The following WDR64 variants were observed in gnomAD, a reference collection of about 807,000 sequenced individuals.
The protein encoded by WDR64 is WD repeat-containing protein 64.
Under a neutral mutation model 139.3 loss-of-function variants are expected in WDR64, and 112 were observed. The observed-to-expected ratio is 0.80, with a 90% CI of 0.69 to 0.94. The LOEUF is 0.94. WDR64 is among the 40% of genes least tolerant of loss of function. The pLI, the probability that WDR64 is intolerant of heterozygous loss-of-function variation, is 0.00. For missense variants in WDR64, 1,206 were observed against 1,293.1 expected (o/e 0.93, Z 1.03); for synonymous variants, 444 against 437.7 (o/e 1.01, Z -0.18).
intron 8 of WDR64, among the ~76,000 whole-genome samples, chr1:241,707,893 T>C (rs1475846616): frequency 6.6e-6 from 1 of 152,214 alleles, no homozygotes; most frequent in Non-Finnish European, 1.5e-5. Context: ...GTCATATATT[T>C]AGCAACAGAA....
intron 3 of WDR64, among the ~76,000 whole-genome samples, chr1:241,672,876 GAC>G (rs1438979767): frequency 2.0e-5 from 3 of 152,282 alleles, no homozygotes; most frequent in East Asian, 3.9e-4. Flanking sequence ...TGGGAGTGGG[GAC>G]AGGTGTACTG....
intron 13 of WDR64, among the ~76,000 whole-genome samples, chr1:241,748,490 C>CT (rs1205315619): frequency 2.0e-5 from 3 of 151,946 alleles, no homozygotes; most frequent in Admixed American, 6.6e-5. Context: ...ACTTACTTTT[C>CT]TTTTTTTGTC....
intron 21 of WDR64, among the ~76,000 whole-genome samples, chr1:241,779,461 A>G (rs752226522): frequency 1.1e-4 from 16 of 152,258 alleles, no homozygotes; most frequent in Non-Finnish European, 1.8e-4. Context: ...TGATCTCTAA[A>G]AGAACTCTAA....
At chr1:241,732,559 C>T (rs998117027) in intron 10 of WDR64, among the ~76,000 whole-genome samples, 26 of 152,210 alleles carry the variant, frequency 1.7e-4, no homozygotes, top group Non-Finnish European at 7.3e-5. Flanking sequence ...GTGGCTCACA[C>T]CTGTAATCCC....
At chr1:241,743,562 C>T (rs1669634058) in intron 12 of WDR64, among the ~76,000 whole-genome samples, 1 of 152,174 alleles carries the variant, frequency 6.6e-6, no homozygotes, top group Non-Finnish European at 1.5e-5. Context: ...TGAACTTTCT[C>T]ACCCCTGGCA....
rs181666995 is a variant in WDR64 at position 241,706,904 on chromosome 1, G to A, written c.975-4898G>A. ...TGAGAGCTATTCCTGCAAACTGGTA[G>A]CCTGTTAGCCAAATGCAGCTACAAA... On this transcript the variant is annotated intron_variant, in intron 8 of 27. Transcript: ENST00000437684. Among the ~76,000 whole-genome samples the A allele has an allele frequency of 4.3e-4, 65 of 152,234 alleles. 1 individual carries two copies. Among genetic ancestry groups the A allele is most frequent in the African/African-American group, 1.2e-3 (50 of 41,524 alleles).
rs146192367 is a variant in WDR64 at position 241,780,318 on chromosome 1, A to G, written c.2595+256A>G. On this transcript the variant is annotated intron_variant, in intron 22 of 27. Transcript: ENST00000437684. ...GTCTTCATGTTTTGACTTATTTGTG[A>G]GAATTCATATAGCAACCCAGAGTTA... 1.2e-3 allele frequency among the ~76,000 whole-genome samples: 178 copies of G among 152,300 alleles called. 1 individual carries two copies. The highest frequency in any genetic ancestry group is 0.011 in the East Asian group (56 of 5,176).
chr1:241,671,159 G>C lies in WDR64; in HGVS notation c.362G>C (p.Arg121Thr). Reference protein sequence around the residue: ...ENLVFFVSRKRRILISGSRRR... With the variant: ...ENLVFFVSRKTRILISGSRRR... The stretch of plus-strand genomic sequence containing the variant: ...TTGGTTTTCTTTGTGTCTAGAAAAA[G>C]GCGAATTTTAATTTCAGGTGACATT... Residue 121 changes from arginine to threonine, a missense_variant, in exon 3 of 28, where the codon AGG becomes ACG. Physicochemically the swap from Arg to Thr is moderately conservative, Grantham distance 71 (BLOSUM62 -1). Transcript: ENST00000437684. 7 of 1,548,986 alleles carry C rather than the reference G, an allele frequency of 4.5e-6. No individual in the cohort carries two copies. The highest frequency in any genetic ancestry group is 6.1e-6 in the Non-Finnish European group (7 of 1,145,566).
chr1:241,754,789 C>G (rs1670118205), intron 14 of WDR64, among the ~76,000 whole-genome samples: 1 of 149,082 alleles, frequency 6.7e-6, no homozygotes, highest in Admixed American at 6.8e-5. Flanking sequence ...TCTCATTGTT[C>G]AACTCCCACT....
rs533645105 is a variant in WDR64 at position 241,657,160 on chromosome 1, A to G, written c.146-3370A>G. Among the ~76,000 whole-genome samples the G allele has an allele frequency of 9.2e-5, 14 of 152,110 alleles. No homozygotes were observed. In the South Asian group the frequency reaches 1.9e-3, roughly 20 times the overall value. The stretch of plus-strand genomic sequence containing the variant: ...AGACTGAAAGGGAATGTTATTAATA[A>G]TTTTAAAAAGAGGCATAAACGAGAC... On this transcript the variant is annotated intron_variant, in intron 1 of 27. Coordinates refer to ENST00000437684, the MANE Select transcript of WDR64 (RefSeq NM_001367482.1).
At chr1:241,723,466 T>C (rs1172204049) in intron 10 of WDR64, 30 bp downstream of exon 10, 2 of 1,606,504 alleles carry the variant, frequency 1.2e-6, no homozygotes, top group Non-Finnish European at 1.7e-6. Context: ...AAAACAAAAC[T>C]AGTTTTTTCC....
chr1:241,704,534 C>T (rs1667860513), intron 8 of WDR64, among the ~76,000 whole-genome samples: 1 of 152,050 alleles, frequency 6.6e-6, no homozygotes, highest in Non-Finnish European at 1.5e-5. Flanking sequence ...ATTATATGAG[C>T]CTTTCTACTT....
intron 14 of WDR64, among the ~76,000 whole-genome samples, chr1:241,755,783 T>C (rs1298022063): frequency 6.6e-6 from 1 of 152,244 alleles, no homozygotes; most frequent in African/African-American, 2.4e-5. Context: ...CATATATGGC[T>C]AGCCAGTTTT....
intron 8 of WDR64, among the ~76,000 whole-genome samples, chr1:241,711,236 C>CAAAA (rs34264828): frequency 7.2e-5 from 10 of 139,260 alleles, no homozygotes; most frequent in African/African-American, 2.6e-4. Context: ...GACCTTGTCT[C>CAAAA]AAAAAAAAAA....
intron 2 of WDR64, among the ~76,000 whole-genome samples, chr1:241,670,180 G>C (rs2148071181): frequency 6.6e-6 from 1 of 152,130 alleles, no homozygotes; most frequent in East Asian, 1.9e-4. Flanking sequence ...ATTTTTCAGA[G>C]TTATATAATT....
At chr1:241,794,117 G>A (rs1197169508) in intron 25 of WDR64, among the ~76,000 whole-genome samples, 1 of 151,764 alleles carries the variant, frequency 6.6e-6, no homozygotes, top group Non-Finnish European at 1.5e-5. Flanking sequence ...GGAGGCAGAG[G>A]TTGCAGTGAG....
At chr1:241,788,169 G>A (rs1464163301) in intron 24 of WDR64, 135 bp downstream of exon 24, 5 of 695,734 alleles carry the variant, frequency 7.2e-6, no homozygotes, top group Non-Finnish European at 1.1e-5. Context: ...CAGTGGAAGG[G>A]AAATGTATGT....
intron 8 of WDR64, among the ~76,000 whole-genome samples, chr1:241,699,036 G>A (rs1431787096): frequency 6.6e-6 from 1 of 152,130 alleles, no homozygotes. Flanking sequence ...CAAATCTCAT[G>A]AGAACTCATG....
chr1:241,792,287 A>G (rs2148329971), intron 25 of WDR64, among the ~76,000 whole-genome samples: 1 of 152,314 alleles, frequency 6.6e-6, no homozygotes, highest in South Asian at 2.1e-4. Context: ...CTGTAATCCC[A>G]GCATTGTGGG....
Sources: gnomAD v4.1 joint callset for allele counts (sites outside exome capture counted in the v4.1 genomes callset) on GRCh38, gnomAD v4.1.1 for gene constraint, MANE v1.5 for transcripts, NCBI Gene and HGNC (gene_info 2026-07-23, HGNC 2026-07-21) for gene names.